Variants in CERS6 observed in about 807,000 individuals in gnomAD.
CERS6 encodes LAG1 homolog, ceramide synthase 6.
Under a neutral mutation model 56.8 loss-of-function variants are expected in CERS6, and 26 were observed. The ratio of observed to expected loss-of-function variants is 0.46; its 90% CI spans 0.34 to 0.63. The LOEUF (loss-of-function observed/expected upper bound fraction) is 0.63, where lower values mean the gene tolerates loss of function less well. CERS6 is among the 30% of genes least tolerant of loss of function. CERS6 has a pLI of 0.01. For missense variants in CERS6, 415 were observed against 467.5 expected (o/e 0.89, Z 1.04); for synonymous variants, 164 against 173.3 (o/e 0.95, Z 0.42).
chr2:168,557,466 G>A (rs1315841477), intron 2 of CERS6, among the ~76,000 whole-genome samples: 3 of 152,088 alleles, frequency 2.0e-5, no homozygotes, highest in African/African-American at 7.2e-5. Flanking sequence ...AAAGTATAAA[G>A]ATTTCTGAGA....
chr2:168,565,025 T>A (rs1390145759), intron 3 of CERS6, among the ~76,000 whole-genome samples: 1 of 152,178 alleles, frequency 6.6e-6, no homozygotes, highest in Non-Finnish European at 1.5e-5. Flanking sequence ...TATAAATGAG[T>A]GCCTAATATA....
At chr2:168,566,470 C>G (rs1415224905) in intron 3 of CERS6, among the ~76,000 whole-genome samples, 3 of 152,128 alleles carry the variant, frequency 2.0e-5, no homozygotes, top group Non-Finnish European at 4.4e-5. Flanking sequence ...GCAAAGAAGC[C>G]CTGTGATTTT....
chr2:168,458,970 A>G (rs75283930), intron 1 of CERS6, among the ~76,000 whole-genome samples: 19,388 of 152,278 alleles, frequency 0.13, 1,582 homozygotes, highest in Non-Finnish European at 0.18. Flanking sequence ...AAACAGAACC[A>G]TTCAGTATTA....
At chr2:168,643,433 A>C (rs1315966545) in intron 4 of CERS6, among the ~76,000 whole-genome samples, 1 of 152,184 alleles carries the variant, frequency 6.6e-6, no homozygotes, top group Non-Finnish European at 1.5e-5. Flanking sequence ...ACTTTAGAGA[A>C]TGGACTCCTC....
chr2:168,512,729 A>G (rs74731603), intron 1 of CERS6, among the ~76,000 whole-genome samples: 3 of 148,352 alleles, frequency 2.0e-5, no homozygotes, highest in Admixed American at 2.0e-4. Flanking sequence ...GTGCAATGGC[A>G]TGATCTTGGC....
intron 3 of CERS6, among the ~76,000 whole-genome samples, chr2:168,623,763 A>G (rs1213698600): frequency 6.6e-6 from 1 of 152,230 alleles, no homozygotes; most frequent in Non-Finnish European, 1.5e-5. Flanking sequence ...TAGGCAGTAT[A>G]TCAGGTATCT....
intron 8 of CERS6, among the ~76,000 whole-genome samples, chr2:168,737,860 G>A (rs1045587515): frequency 1.3e-5 from 2 of 152,186 alleles, no homozygotes; most frequent in African/African-American, 2.4e-5. Flanking sequence ...GCAGGTTCAC[G>A]ATGGCATCAA....
intron 4 of CERS6, among the ~76,000 whole-genome samples, chr2:168,684,914 G>GT (rs146342534): frequency 1.3e-5 from 2 of 151,938 alleles, no homozygotes; most frequent in Admixed American, 6.6e-5. Context: ...TTTTTCTTAT[G>GT]TTTTTTTTCT....
intron 1 of CERS6, among the ~76,000 whole-genome samples, 176 bp from the exon 2 acceptor site, chr2:168,547,420 G>A (rs1695486123): frequency 6.6e-6 from 1 of 152,126 alleles, no homozygotes; most frequent in Non-Finnish European, 1.5e-5. Flanking sequence ...GGCTAACAGA[G>A]AGAAAAACGG....
At chr2:168,476,094 A>G (rs1694063974) in intron 1 of CERS6, among the ~76,000 whole-genome samples, 1 of 152,180 alleles carries the variant, frequency 6.6e-6, no homozygotes, top group African/African-American at 2.4e-5. Flanking sequence ...TCTCTTTCTG[A>G]GGTACAGAGA....
intron 3 of CERS6, among the ~76,000 whole-genome samples, chr2:168,571,370 C>T (rs962419359): frequency 6.6e-6 from 1 of 152,034 alleles, no homozygotes; most frequent in Non-Finnish European, 1.5e-5. Flanking sequence ...GTCTATTTGT[C>T]CTGAAACTTG....
At chr2:168,543,773 G>GA (rs139114492) in intron 1 of CERS6, among the ~76,000 whole-genome samples, 2,863 of 152,148 alleles carry the variant, frequency 0.019, 99 homozygotes, top group African/African-American at 0.065. Flanking sequence ...GGGTTATGTT[G>GA]AAAAAGAGCA....
At chr2:168,733,765 A>G (rs931611570) in intron 8 of CERS6, among the ~76,000 whole-genome samples, 1 of 152,196 alleles carries the variant, frequency 6.6e-6, no homozygotes, top group Non-Finnish European at 1.5e-5. Context: ...GGAGCAGGTA[A>G]AGGTTGACAA....
chr2:168,470,100 C>T (rs1693949103), intron 1 of CERS6, among the ~76,000 whole-genome samples: 1 of 151,420 alleles, frequency 6.6e-6, no homozygotes, highest in South Asian at 2.1e-4. Context: ...TAAACCCATC[C>T]TGAGGTCAGG....
intron 1 of CERS6, among the ~76,000 whole-genome samples, chr2:168,544,196 ATTC>A (rs1394816216): frequency 1.3e-5 from 2 of 152,208 alleles, no homozygotes; most frequent in South Asian, 2.1e-4. Flanking sequence ...TTTGTCTGTT[ATTC>A]TTCTCTCTCT....
intron 1 of CERS6, among the ~76,000 whole-genome samples, chr2:168,545,208 TATG>T (rs1695444156): frequency 6.6e-6 from 1 of 152,090 alleles, no homozygotes; most frequent in Non-Finnish European, 1.5e-5. Context: ...TTTTTTCACA[TATG>T]AGGAGATTAA....
chr2:168,549,506 G>A (rs1695526862), intron 2 of CERS6, among the ~76,000 whole-genome samples: 1 of 152,214 alleles, frequency 6.6e-6, no homozygotes, highest in South Asian at 2.1e-4. Flanking sequence ...GTGGTGGCGG[G>A]TGCCTGTAGT....
intron 4 of CERS6, among the ~76,000 whole-genome samples, chr2:168,682,141 T>C (rs1686232919): frequency 6.6e-6 from 1 of 152,296 alleles, no homozygotes; most frequent in South Asian, 2.1e-4. Context: ...TAACCGGTAG[T>C]TGGGTTGCTG....
rs552054619 is a variant in CERS6 at position 168,684,012 on chromosome 2, C to G, written c.466-7022C>G. ...CTTGGAAATCCTGTGACCTGAGTGC[C>G]CATCTCCAAAAAACTCTTTCTACCT... On this transcript the variant is annotated intron_variant, in intron 4 of 9. Coordinates refer to ENST00000305747, the MANE Select transcript of CERS6 (RefSeq NM_203463.3). Among the ~76,000 whole-genome samples, 4 of 152,182 alleles carry G rather than the reference C, an allele frequency of 2.6e-5. No homozygotes were observed. In the South Asian group the frequency reaches 8.3e-4, roughly 32 times the overall value.
Sources: gnomAD v4.1 joint callset for allele counts (sites outside exome capture counted in the v4.1 genomes callset) on GRCh38, gnomAD v4.1.1 for gene constraint, MANE v1.5 for transcripts, NCBI Gene and HGNC (gene_info 2026-07-23, HGNC 2026-07-21) for gene names.